The following DERPC variants were observed in gnomAD, a reference collection of about 807,000 sequenced individuals.
The protein encoded by DERPC is decreased expression in renal and prostate cancer protein.
Under a neutral mutation model 7.2 loss-of-function variants are expected in DERPC, and 1 was observed. The ratio of observed to expected loss-of-function variants is 0.14; its 90% CI spans 0.05 to 0.66. The LOEUF (loss-of-function observed/expected upper bound fraction) is 0.66, where lower values mean the gene tolerates loss of function less well. Ranked by LOEUF, DERPC falls within the 30% of genes least tolerant of loss-of-function variation. The pLI is 0.84. For missense variants in DERPC, 502 were observed against 299.4 expected (o/e 1.68, Z -4.99); for synonymous variants, 185 against 117.6 (o/e 1.57, Z -3.71).
intron 1 of DERPC, among the ~76,000 whole-genome samples, chr16:69,123,501 A>G (rs770128618): frequency 1.3e-5 from 2 of 152,006 alleles, no homozygotes; most frequent in Non-Finnish European, 2.9e-5. Context: ...TACTAAAAAT[A>G]CAAAAATTAG....
chr16:69,118,894 G>A lies in DERPC; in HGVS notation c.1535C>T (p.Pro512Leu). ...TCCATTTGGGTACATTGCAGCCATT[G>A]GACCCCCTGGTCTGGGGAAAGCAGC... The part of the protein sequence containing the change: ...NPAAFPRPGG[P>L]MAAMYPNGML... The change falls in exon 3 of 3, where the codon CCA becomes CTA. Residue 512 changes from proline to leucine, a missense_variant. By Grantham distance (98) the Pro-to-Leu change is moderately conservative. Coordinates refer to ENST00000519520, the MANE Select transcript of DERPC (RefSeq NM_001002847.4). 1.4e-6 allele frequency: 1 copy of A among 703,080 alleles called. No homozygotes were observed. Among genetic ancestry groups the A allele is most frequent in the Admixed American group, 2.0e-5 (1 of 50,018 alleles). The allele number at this position is 703,080 out of a possible 1,614,324, so 43.6% of individuals were successfully genotyped here. A position where few individuals can be genotyped will look rare whatever the true frequency, so the allele number is the denominator to read the frequency against.
rs1251999854 is a variant in DERPC, at chr16:69,119,552, A to G, written c.877T>C (p.Ser293Pro). The change falls in exon 3 of 3, where the codon TCA becomes CCA. Residue 293 changes from serine (S) to proline (P), a missense_variant. Transcript: ENST00000519520. ...GLLGANSASF[S>P]QASGNMGTSP... ...GTGCCCATGTTTCCAGAAGCCTGTG[A>G]GAAAGAAGCTGAATTTGCTCCTAAA... is the stretch of plus-strand genomic sequence containing the variant. 1 of 702,902 alleles carries G rather than the reference A, an allele frequency of 1.4e-6. No homozygotes were observed. Among genetic ancestry groups the G allele is most frequent in the African/African-American group, 1.7e-5 (1 of 57,382 alleles). The allele number at this position is 702,902 out of a possible 1,614,324, so 43.5% of individuals were successfully genotyped here.
At chr16:69,129,293 G>C (rs1328447857) in intron 1 of DERPC, among the ~76,000 whole-genome samples, 1 of 151,744 alleles carries the variant, frequency 6.6e-6, no homozygotes, top group African/African-American at 2.4e-5. Context: ...AGCCGGGCGT[G>C]GTGGCAGGTG....
Position 69,118,806 on chromosome 16 carries a change from G to T in DERPC, c.*48C>A. On this transcript the variant is annotated 3_prime_UTR_variant, in exon 3 of 3. Coordinates refer to ENST00000519520, the MANE Select transcript of DERPC (RefSeq NM_001002847.4). Reference sequence around the variant, plus strand: ...TTTTACCTAAGACAGCCCCTGCCAAGAACCACAGTGCCTAGAAACCAAGGT... The same window carrying T: ...TTTTACCTAAGACAGCCCCTGCCAATAACCACAGTGCCTAGAAACCAAGGT... 1 of 665,702 alleles carries T rather than the reference G, an allele frequency of 1.5e-6. No homozygotes were observed. Among genetic ancestry groups the T allele is most frequent in the South Asian group, 1.6e-5 (1 of 60,780 alleles). The allele number at this position is 665,702 out of a possible 1,614,324, so 41.2% of individuals were successfully genotyped here.
At position 69,119,730 on chromosome 16, in the gene DERPC, G is replaced by A. The variant is rs1214011761; in HGVS notation, c.699C>T (p.Gly233=). 7 of 690,208 alleles carry A rather than the reference G, an allele frequency of 1.0e-5. No individual in the cohort carries two copies. The highest frequency in any genetic ancestry group is 4.1e-5 in the Admixed American group (2 of 49,320). 42.8% of individuals were successfully genotyped at this position (690,208 alleles called of 1,614,324 possible). A position where few individuals can be genotyped will look rare whatever the true frequency, so the allele number is the denominator to read the frequency against. The change falls in exon 3 of 3, where the codon GGC becomes GGT. Residue 233 remains glycine, a synonymous_variant. Transcript: ENST00000519520. ...CACTTGGTCTTGGGTTGGGCCCAAGGCCTGGGCCTGGAAACACACCTGACC... is the reference window on the plus strand; with the variant it reads ...CACTTGGTCTTGGGTTGGGCCCAAGACCTGGGCCTGGAAACACACCTGACC... ...APRSGVFPGP[G]LGPNPRPSGL... is the part of the protein sequence containing the mutation.
At chr16:69,128,636 C>T (rs1962264911) in intron 1 of DERPC, among the ~76,000 whole-genome samples, 1 of 152,166 alleles carries the variant, frequency 6.6e-6, no homozygotes, top group Non-Finnish European at 1.5e-5. Flanking sequence ...CACCAGCATT[C>T]AAAGAATCAA....
chr16:69,121,816 C>T (rs139029036), intron 1 of DERPC, among the ~76,000 whole-genome samples: 3,010 of 152,174 alleles, frequency 0.02, 27 homozygotes, highest in Non-Finnish European at 0.026. Flanking sequence ...TACAGGTGCC[C>T]GCCACCACGG....
In DERPC at chr16:69,121,237, A is replaced by G. The variant is rs1961631415; in HGVS notation, c.-222+199T>C. The G allele has an allele frequency of 2.1e-6, 3 of 1,451,862 alleles. No individual in the cohort carries two copies. The South Asian group carries it at 3.6e-5, about 18-fold the overall frequency. The allele number at this position is 1,451,862 out of a possible 1,614,324, so 89.9% of individuals were successfully genotyped here. A position where few individuals can be genotyped will look rare whatever the true frequency, so the allele number is the denominator to read the frequency against. ...GAAGGATGAATAGTGTCCTCACACC[A>G]CCATTTGAGGCCCAAAGGACCTCTT... is the stretch of plus-strand genomic sequence containing the variant. On this transcript the variant is annotated intron_variant, in intron 2 of 2. Transcript: ENST00000519520.
intron 1 of DERPC, among the ~76,000 whole-genome samples, chr16:69,127,601 CTTTTTT>C (rs71383961): frequency 3.8e-4 from 40 of 104,390 alleles, no homozygotes; most frequent in Non-Finnish European, 6.4e-4. Context: ...CTCCCGGCAA[CTTTTTT>C]TTTTTTTTTT....
At chr16:69,132,436 C>T in intron 1 of DERPC, 48 bp downstream of exon 1, 1 of 176,120 alleles carries the variant, frequency 5.7e-6, no homozygotes, top group South Asian at 1.2e-4. Context: ...AATCCCGGCT[C>T]GGCCCTCGCT....
intron 1 of DERPC, 136 bp from the exon 2 acceptor site, chr16:69,121,629 C>G (rs1961672211): frequency 1.8e-6 from 1 of 552,770 alleles, no homozygotes; most frequent in Non-Finnish European, 3.3e-6. Flanking sequence ...AGGCACCCAC[C>G]ACTATGGCCA....
In DERPC at chr16:69,118,426, G is replaced by A. The variant is rs750274243; in HGVS notation, c.*428C>T. ...CCCAGGTCAGAGCTACGGAAGCATG[G>A]TCCGTTCACCAACGCCACGTTTCTA... On this transcript the variant is annotated 3_prime_UTR_variant, in exon 3 of 3. Coordinates refer to ENST00000519520, the MANE Select transcript of DERPC (RefSeq NM_001002847.4). 5 of 1,612,666 alleles carry A rather than the reference G, an allele frequency of 3.1e-6. No homozygotes were observed. In the East Asian group the frequency reaches 1.1e-4, roughly 36 times the overall value.
chr16:69,131,104 C>T (rs1040556465), intron 1 of DERPC, among the ~76,000 whole-genome samples: 1 of 152,168 alleles, frequency 6.6e-6, no homozygotes, highest in Non-Finnish European at 1.5e-5. Context: ...GCTTATGTTA[C>T]TAAGTCTAAA....
chr16:69,129,285 C>A (rs1345741742), intron 1 of DERPC, among the ~76,000 whole-genome samples: 18 of 151,698 alleles, frequency 1.2e-4, no homozygotes, highest in Non-Finnish European at 2.9e-5. Flanking sequence ...AAAAAATTAG[C>A]CGGGCGTGGT....
rs778894853 is a variant in DERPC at position 69,120,361 on chromosome 16, C to T, written c.68G>A (p.Arg23Gln). Reference sequence around the variant, plus strand: ...TCCCAGGGAACCGTCGAGCCGTCCTCGAGGTGGCAGCGGAGCACGAGTCCA... The same window carrying T: ...TCCCAGGGAACCGTCGAGCCGTCCTTGAGGTGGCAGCGGAGCACGAGTCCA... ...TPWTRAPLPP[R>Q]GRLDGSLGPQ... Residue 23 changes from arginine (R) to glutamine (Q), a missense_variant, in exon 3 of 3, where the codon CGA (arginine) becomes CAA (glutamine). Transcript: ENST00000519520. The surrounding 1 kb of genome is among the most constrained non-coding windows in gnomAD (Gnocchi z 4.0). 5.2e-6 allele frequency: 8 copies of T among 1,531,228 alleles called. No homozygotes were observed. Among genetic ancestry groups the T allele is most frequent in the East Asian group, 2.2e-5 (1 of 44,448 alleles). The allele number at this position is 1,531,228 out of a possible 1,614,324, so 94.9% of individuals were successfully genotyped here.
chr16:69,130,854 A>C (rs901640470), intron 1 of DERPC, among the ~76,000 whole-genome samples: 7 of 152,370 alleles, frequency 4.6e-5, no homozygotes, highest in Admixed American at 6.5e-5. Context: ...TCAAGTTTTC[A>C]TAACAGTAGA....
At chr16:69,131,820 G>C (rs1291402286) in intron 1 of DERPC, among the ~76,000 whole-genome samples, 1 of 150,930 alleles carries the variant, frequency 6.6e-6, no homozygotes, top group Non-Finnish European at 1.5e-5. Flanking sequence ...ACTCCTCCAG[G>C]ACCCCACCCC....
intron 1 of DERPC, among the ~76,000 whole-genome samples, chr16:69,122,237 G>T (rs779724948): frequency 6.6e-6 from 1 of 152,242 alleles, no homozygotes; most frequent in East Asian, 1.9e-4. Flanking sequence ...ATCACCAATG[G>T]TCAACTGTAT....
intron 1 of DERPC, among the ~76,000 whole-genome samples, chr16:69,125,547 G>A (rs1437623357): frequency 6.6e-6 from 1 of 152,180 alleles, no homozygotes; most frequent in African/African-American, 2.4e-5. Flanking sequence ...CAGGCATGGA[G>A]TATATGCAAT....
Sources: gnomAD v4.1 joint callset for allele counts (sites outside exome capture counted in the v4.1 genomes callset) on GRCh38, gnomAD v4.1.1 for gene constraint, Gnocchi (gnomAD v3.1) non-coding constraint, MANE v1.5 for transcripts, NCBI Gene and HGNC (gene_info 2026-07-23, HGNC 2026-07-21) for gene names.